PTPRT: variants seen among roughly 807,000 people sequenced by gnomAD.
PTPRT encodes protein tyrosine phosphatase receptor type T.
Under a neutral mutation model 176.8 loss-of-function variants are expected in PTPRT, and 56 were observed. The ratio of observed to expected loss-of-function variants is 0.32; its 90% CI spans 0.26 to 0.40. The LOEUF is 0.40. Ranked by LOEUF, PTPRT falls within the 10% of genes least tolerant of loss-of-function variation. The pLI, the probability that PTPRT is intolerant of heterozygous loss-of-function variation, is 1.00. For synonymous variants in PTPRT, 783 were observed against 739.0 expected (o/e 1.06, Z -0.96); for missense variants, 1,540 against 1,908.2 (o/e 0.81, Z 3.60).
At chr20:43,099,864 G>A (rs1281730354) in intron 1 of PTPRT, among the ~76,000 whole-genome samples, 1 of 152,002 alleles carries the variant, frequency 6.6e-6, no homozygotes, top group Non-Finnish European at 1.5e-5. Flanking sequence ...TTCTGGTCTT[G>A]GGACTTCTCT....
At chr20:42,215,659 T>C (rs1440749886) in intron 15 of PTPRT, among the ~76,000 whole-genome samples, 2 of 77,444 alleles carry the variant, frequency 2.6e-5, no homozygotes, top group Non-Finnish European at 7.5e-5. Context: ...GCAGATGCTC[T>C]TCCCCTATTC....
chr20:42,129,776 C>T (rs1465698780), intron 18 of PTPRT, among the ~76,000 whole-genome samples: 2 of 152,218 alleles, frequency 1.3e-5, no homozygotes, highest in African/African-American at 2.4e-5. Flanking sequence ...AGCTTATCTT[C>T]TTAGAATTAT....
At chr20:42,860,257 T>G (rs1413151490) in intron 2 of PTPRT, among the ~76,000 whole-genome samples, 2 of 152,172 alleles carry the variant, frequency 1.3e-5, no homozygotes, top group Non-Finnish European at 2.9e-5. Context: ...AGGACATACT[T>G]TATTCTGTTA....
intron 7 of PTPRT, among the ~76,000 whole-genome samples, chr20:42,502,808 AG>A (rs1188741939): frequency 1.3e-5 from 2 of 152,086 alleles, no homozygotes; most frequent in Non-Finnish European, 2.9e-5. Context: ...TCTCTAGTCT[AG>A]GCTACATATC....
intron 7 of PTPRT, among the ~76,000 whole-genome samples, chr20:42,501,236 C>T (rs230162): frequency 0.22 from 33,618 of 152,030 alleles, 3,871 homozygotes; most frequent in Middle Eastern, 0.3. Context: ...ATTTGTTCAA[C>T]CTTAGGTTTG....
chr20:42,338,476 T>C (rs1264920363), intron 11 of PTPRT, among the ~76,000 whole-genome samples: 1 of 152,164 alleles, frequency 6.6e-6, no homozygotes, highest in African/African-American at 2.4e-5. Flanking sequence ...TTTCAAAACA[T>C]TCCCACCATT....
chr20:42,419,698 C>T (rs565443832), intron 9 of PTPRT, among the ~76,000 whole-genome samples: 1 of 152,130 alleles, frequency 6.6e-6, no homozygotes. Flanking sequence ...GTTACTTCCT[C>T]CTATAATTTC....
intron 1 of PTPRT, among the ~76,000 whole-genome samples, chr20:43,020,160 GTGTT>G (rs1369268383): frequency 6.8e-6 from 1 of 145,990 alleles, no homozygotes. Context: ...ATGTGCATGT[GTGTT>G]TGTCTCTATA....
In PTPRT at chr20:43,062,229, T is replaced by C. The variant is rs1268359886; in HGVS notation, c.88+127417A>G. ...CTGCACTTAAAATGTGTACATTTTA[T>C]TGGATGTGACTAAAGCTGATATGTT... On this transcript the variant is annotated intron_variant, in intron 1 of 30. Transcript: ENST00000373187. Among the ~76,000 whole-genome samples, 4 of 152,218 alleles carry C rather than the reference T, an allele frequency of 2.6e-5. No individual in the cohort carries two copies. In the East Asian group the frequency reaches 7.7e-4, roughly 29 times the overall value.
chr20:42,426,340 G>C (rs1309370568), intron 9 of PTPRT, among the ~76,000 whole-genome samples: 3 of 152,106 alleles, frequency 2.0e-5, no homozygotes, highest in Non-Finnish European at 4.4e-5. Flanking sequence ...AACATCAAGA[G>C]GAGTTCAGCT....
At chr20:42,388,129 A>C (rs1358415603) in intron 9 of PTPRT, among the ~76,000 whole-genome samples, 1 of 152,146 alleles carries the variant, frequency 6.6e-6, no homozygotes. Flanking sequence ...ACAGTCCCCA[A>C]AATAAAGACT....
chr20:43,147,567 T>C (rs2014207628), intron 1 of PTPRT, among the ~76,000 whole-genome samples: 1 of 152,214 alleles, frequency 6.6e-6, no homozygotes, highest in South Asian at 2.1e-4. Context: ...ATTTATATTA[T>C]GACCAACAGA....
At chr20:42,900,345 G>A (rs371721355) in intron 1 of PTPRT, among the ~76,000 whole-genome samples, 4 of 152,278 alleles carry the variant, frequency 2.6e-5, no homozygotes, top group South Asian at 4.1e-4. Context: ...GCTGTCTTCA[G>A]GTGCTATCTC....
At chr20:43,181,321 G>A (rs958225314) in intron 1 of PTPRT, among the ~76,000 whole-genome samples, 1 of 152,180 alleles carries the variant, frequency 6.6e-6, no homozygotes, top group Non-Finnish European at 1.5e-5. Flanking sequence ...CTGCATTGGG[G>A]GAGTGACTTG....
intron 2 of PTPRT, among the ~76,000 whole-genome samples, chr20:42,811,151 C>T (rs773500360): frequency 1.3e-5 from 2 of 152,010 alleles, no homozygotes; most frequent in Non-Finnish European, 2.9e-5. Flanking sequence ...GATACATATT[C>T]ATTTTGAGGA....
At chr20:42,247,303 A>T (rs1170519059) in intron 14 of PTPRT, among the ~76,000 whole-genome samples, 1 of 152,184 alleles carries the variant, frequency 6.6e-6, no homozygotes, top group African/African-American at 2.4e-5. Context: ...AGAAAGAGAG[A>T]GAGGGACATC....
intron 9 of PTPRT, among the ~76,000 whole-genome samples, chr20:42,402,225 A>G (rs532793560): frequency 6.6e-6 from 1 of 152,264 alleles, no homozygotes; most frequent in African/African-American, 2.4e-5. Flanking sequence ...TGGTTCCCCA[A>G]AACATCCCTG....
At chr20:42,092,534 T>C (rs1188374299) in intron 27 of PTPRT, among the ~76,000 whole-genome samples, 1 of 152,220 alleles carries the variant, frequency 6.6e-6, no homozygotes, top group Non-Finnish European at 1.5e-5. Context: ...AAGGCTACAA[T>C]TTGAACTCAG....
chr20:42,237,490 C>A (rs1448687303), intron 14 of PTPRT, among the ~76,000 whole-genome samples: 1 of 152,190 alleles, frequency 6.6e-6, no homozygotes, highest in Non-Finnish European at 1.5e-5. Context: ...AAGGAGGGTA[C>A]TGAGCAAGTG....
Sources: allele counts gnomAD v4.1 joint callset (sites outside exome capture counted in the v4.1 genomes callset), GRCh38; gene constraint gnomAD v4.1.1; transcripts MANE v1.5; gene names NCBI Gene and HGNC (gene_info 2026-07-23, HGNC 2026-07-21).